Variants in DPP10 observed in about 807,000 individuals in gnomAD.
DPP10 encodes the protein inactive dipeptidyl peptidase 10.
In DPP10, 33 loss-of-function variants were observed where a neutral mutation model predicts 120.9. The observed-to-expected ratio is 0.27, with a 90% CI of 0.21 to 0.37. DPP10 has a LOEUF of 0.37. Among genes scored for constraint, DPP10 ranks in the 10% least tolerant of loss-of-function variants. The pLI is 1.00. For synonymous variants in DPP10, 337 were observed against 326.1 expected, an observed-to-expected ratio of 1.03 and a Z score of -0.36; for missense variants, 816 against 942.8, an observed-to-expected ratio of 0.87 and a Z score of 1.76.
At chr2:114,637,954 C>T (rs1391117682) in intron 1 of DPP10, among the ~76,000 whole-genome samples, 1 of 151,818 alleles carries the variant, frequency 6.6e-6, no homozygotes, top group Non-Finnish European at 1.5e-5. Context: ...CTTAGGAATA[C>T]TTTGGCTATT....
chr2:115,060,543 G>A (rs1706322862), intron 1 of DPP10, among the ~76,000 whole-genome samples: 1 of 152,186 alleles, frequency 6.6e-6, no homozygotes, highest in African/African-American at 2.4e-5. Context: ...AGTGAGCGGA[G>A]ACTGTGCCAC....
chr2:114,717,173 A>G (rs1272129855), intron 1 of DPP10, among the ~76,000 whole-genome samples: 3 of 152,206 alleles, frequency 2.0e-5, no homozygotes, highest in African/African-American at 7.2e-5. Flanking sequence ...TTCCATTAGG[A>G]GACGACTTTG....
chr2:115,459,966 T>C (rs843422), intron 3 of DPP10, among the ~76,000 whole-genome samples: 72,575 of 131,902 alleles, frequency 0.55, 21,275 homozygotes, highest in Non-Finnish European at 0.72. Flanking sequence ...TTTGCATTAT[T>C]ATACTAGATA....
chr2:115,013,194 T>C (rs540570594), intron 1 of DPP10, among the ~76,000 whole-genome samples: 1 of 152,278 alleles, frequency 6.6e-6, no homozygotes, highest in African/African-American at 2.4e-5. Flanking sequence ...GGCCTGGTGG[T>C]GACAAAATCT....
Position 115,366,716 on chromosome 2 carries a change from G to T in DPP10, c.271+22804G>T, listed in dbSNP as rs545838383. On this transcript the variant is annotated intron_variant, in intron 3 of 25. Transcript: ENST00000410059. ...TCTTGACTTTGCTGGGTCTTCCAAG[G>T]TCCACACATCCACAGGTGCAGTTGC... Among the ~76,000 whole-genome samples the T allele has an allele frequency of 2.0e-5, 3 of 152,068 alleles. No individual in the cohort carries two copies. The South Asian group carries it at 6.2e-4, about 32-fold the overall frequency.
At position 114,534,706 on chromosome 2, in the gene DPP10, C is replaced by CTT. The variant is rs36111101; in HGVS notation, c.60+91878_60+91879dup. 6.6e-3 allele frequency among the ~76,000 whole-genome samples: 989 copies of CTT among 148,892 alleles called. 10 individuals are homozygous for CTT. The highest frequency in any genetic ancestry group is 0.018 in the Middle Eastern group (5 of 284). Reference sequence around the variant, plus strand: ...TAGAAACCTTCTGTTTTGCTTTTTACTTTTTTTTTTTAAGGGAATACGTAT... The same window carrying CTT: ...TAGAAACCTTCTGTTTTGCTTTTTACTTTTTTTTTTTTTAAGGGAATACGTAT... On this transcript the variant is annotated intron_variant, in intron 1 of 25. Coordinates refer to ENST00000410059, the MANE Select transcript of DPP10 (RefSeq NM_020868.6).
intron 1 of DPP10, among the ~76,000 whole-genome samples, chr2:114,500,151 C>T (rs924806803): frequency 5.9e-5 from 9 of 152,170 alleles, no homozygotes; most frequent in African/African-American, 2.2e-4. Context: ...AGAGAATATG[C>T]CTTAGCCACT....
chr2:114,540,733 C>T (rs894340454), intron 1 of DPP10, among the ~76,000 whole-genome samples: 38 of 152,296 alleles, frequency 2.5e-4, no homozygotes, highest in African/African-American at 8.4e-4. Flanking sequence ...GAAAAGGAGT[C>T]TAAACTGAGA....
At chr2:115,623,033 G>T (rs1041421066) in intron 5 of DPP10, among the ~76,000 whole-genome samples, 3 of 151,918 alleles carry the variant, frequency 2.0e-5, no homozygotes, top group African/African-American at 7.3e-5. Flanking sequence ...TTTTAGTAGA[G>T]ACGGGCTTTC....
intron 1 of DPP10, among the ~76,000 whole-genome samples, chr2:115,305,828 A>G (rs1304038993): frequency 6.6e-6 from 1 of 151,920 alleles, no homozygotes; most frequent in East Asian, 1.9e-4. Flanking sequence ...CCCAACAGGG[A>G]TATGAGGGAT....
chr2:114,928,624 C>A (rs182311992), intron 1 of DPP10, among the ~76,000 whole-genome samples: 8 of 152,056 alleles, frequency 5.3e-5, no homozygotes, highest in African/African-American at 1.9e-4. Flanking sequence ...AGTAGCTCTA[C>A]TATTCTGGGG....
intron 7 of DPP10, among the ~76,000 whole-genome samples, chr2:115,724,029 G>T (rs1006181810): frequency 1.2e-4 from 18 of 152,246 alleles, no homozygotes; most frequent in African/African-American, 4.1e-4. Context: ...CAAGTCTAAT[G>T]TTTAATTATG....
At chr2:114,544,465 CTG>C (rs1323508383) in intron 1 of DPP10, among the ~76,000 whole-genome samples, 8 of 152,270 alleles carry the variant, frequency 5.3e-5, no homozygotes, top group Admixed American at 2.0e-4. Flanking sequence ...TTTCAGTAGA[CTG>C]TGATTGATAA....
At chr2:115,558,226 G>A (rs551588402) in intron 5 of DPP10, among the ~76,000 whole-genome samples, 1 of 152,198 alleles carries the variant, frequency 6.6e-6, no homozygotes, top group South Asian at 2.1e-4. Context: ...TTGGTCAGCC[G>A]CTCTCCATAA....
rs115405280 is a variant in DPP10, at chr2:114,687,781, G to T, written c.60+244943G>T. 5.3e-3 allele frequency among the ~76,000 whole-genome samples: 799 copies of T among 152,048 alleles called. 9 individuals are homozygous for T. Among genetic ancestry groups the T allele is most frequent in the African/African-American group, 0.018 (748 of 41,514 alleles). ...ACCATTTCTGTGGCTGCTGTCATGTGCTAGACTCTGGTCGTTTTCACGGCA... is the reference window on the plus strand; with the variant it reads ...ACCATTTCTGTGGCTGCTGTCATGTTCTAGACTCTGGTCGTTTTCACGGCA... On this transcript the variant is annotated intron_variant, in intron 1 of 25. Transcript: ENST00000410059.
In DPP10 at chr2:114,716,746, C is replaced by A. The variant is rs1186206300; in HGVS notation, c.60+273908C>A. On this transcript the variant is annotated intron_variant, in intron 1 of 25. Coordinates refer to ENST00000410059, the MANE Select transcript of DPP10 (RefSeq NM_020868.6). ...AGTATTTTAGAAGTGTAAGGTTGAT[C>A]TTCCCTGTTCAAAAGAGAATGGGTT... Among the ~76,000 whole-genome samples, 9 of 152,240 alleles carry A rather than the reference C, an allele frequency of 5.9e-5. No individual in the cohort carries two copies. The South Asian group carries it at 1.5e-3, about 25-fold the overall frequency.
At chr2:115,181,535 A>G (rs2054079401) in intron 1 of DPP10, among the ~76,000 whole-genome samples, 1 of 152,134 alleles carries the variant, frequency 6.6e-6, no homozygotes, top group African/African-American at 2.4e-5. Context: ...GAACTTCTTC[A>G]TAGCATGGGT....
chr2:115,374,544 C>G (rs2065645195), intron 3 of DPP10, among the ~76,000 whole-genome samples: 1 of 152,216 alleles, frequency 6.6e-6, no homozygotes, highest in Admixed American at 6.5e-5. Context: ...AGGCAGTGCC[C>G]CAGTGGAGAC....
intron 1 of DPP10, among the ~76,000 whole-genome samples, chr2:115,307,533 A>G (rs2061407820): frequency 6.6e-6 from 1 of 152,130 alleles, no homozygotes; most frequent in East Asian, 1.9e-4. Context: ...CCAGATACCC[A>G]TTCGCTGTTG....
Sources: allele counts gnomAD v4.1 joint callset (sites outside exome capture counted in the v4.1 genomes callset), GRCh38; gene constraint gnomAD v4.1.1; transcripts MANE v1.5; gene names NCBI Gene and HGNC (gene_info 2026-07-23, HGNC 2026-07-21).